KIZ: variants seen among roughly 807,000 people sequenced by gnomAD.
The protein encoded by KIZ is kizuna centrosomal protein.
In KIZ, 68 loss-of-function variants were observed where a neutral mutation model predicts 79.6. The observed-to-expected ratio is 0.85, with a 90% CI of 0.70 to 1.05. The LOEUF is 1.05. KIZ is among the 50% of genes least tolerant of loss of function. KIZ has a pLI of 0.00. For synonymous variants in KIZ, 280 were observed against 281.8 expected, an observed-to-expected ratio of 0.99 and a Z score of 0.06; for missense variants, 797 against 800.4, an observed-to-expected ratio of 1.00 and a Z score of 0.05.
chr20:21,182,451 G>T (rs2034693601), intron 6 of KIZ, among the ~76,000 whole-genome samples: 1 of 152,096 alleles, frequency 6.6e-6, no homozygotes, highest in African/African-American at 2.4e-5. Flanking sequence ...GCTAATTACT[G>T]GCAAGGGTTA....
chr20:21,156,827 A>G (rs1374719243), intron 4 of KIZ, among the ~76,000 whole-genome samples: 2 of 152,228 alleles, frequency 1.3e-5, no homozygotes, highest in South Asian at 2.1e-4. Flanking sequence ...GTATACACAC[A>G]TACAGAGACA....
chr20:21,146,676 G>A (rs1015544473), intron 4 of KIZ, among the ~76,000 whole-genome samples: 39 of 152,108 alleles, frequency 2.6e-4, no homozygotes, highest in Non-Finnish European at 8.8e-5. Flanking sequence ...TAACTGTTGG[G>A]TATTTAAGAC....
intron 11 of KIZ, among the ~76,000 whole-genome samples, chr20:21,239,208 G>A (rs2037134439): frequency 6.6e-6 from 1 of 152,206 alleles, no homozygotes; most frequent in Non-Finnish European, 1.5e-5. Flanking sequence ...ACTTGCCCAG[G>A]ATCATGCAGT....
At chr20:21,182,940 T>C (rs886994903) in intron 6 of KIZ, among the ~76,000 whole-genome samples, 10 of 152,160 alleles carry the variant, frequency 6.6e-5, no homozygotes, top group African/African-American at 2.4e-4. Context: ...ATTTGGTCAC[T>C]CCTGGCTTAG....
chr20:21,129,312 A>C (rs1444609018), intron 1 of KIZ, among the ~76,000 whole-genome samples: 1 of 152,248 alleles, frequency 6.6e-6, no homozygotes, highest in East Asian at 1.9e-4. Flanking sequence ...AGATGTCTGC[A>C]TCTGCTGAAG....
intron 6 of KIZ, among the ~76,000 whole-genome samples, chr20:21,200,449 A>G (rs1264115612): frequency 1.3e-5 from 2 of 151,952 alleles, no homozygotes; most frequent in African/African-American, 2.4e-5. Context: ...TAATTATACA[A>G]TTCACCATAA....
intron 11 of KIZ, among the ~76,000 whole-genome samples, chr20:21,239,517 T>C (rs1038997445): frequency 6.6e-6 from 1 of 152,202 alleles, no homozygotes; most frequent in African/African-American, 2.4e-5. Flanking sequence ...GTGAATGCTG[T>C]GTTCTAATTA....
chr20:21,176,975 C>T (rs760230416), intron 6 of KIZ, among the ~76,000 whole-genome samples: 18 of 152,156 alleles, frequency 1.2e-4, no homozygotes, highest in South Asian at 2.1e-4. Context: ...TTTCATTGTA[C>T]GTGTATTTTC....
chr20:21,188,545 T>C (rs1051431704), intron 6 of KIZ, among the ~76,000 whole-genome samples: 2 of 150,998 alleles, frequency 1.3e-5, no homozygotes, highest in African/African-American at 4.8e-5. Context: ...GTGACCCTTA[T>C]GATGAGGAGG....
At chr20:21,142,268 C>T (rs939242831) in intron 3 of KIZ, among the ~76,000 whole-genome samples, 1 of 152,056 alleles carries the variant, frequency 6.6e-6, no homozygotes, top group African/African-American at 2.4e-5. Flanking sequence ...TCTCAGTAAG[C>T]ACTTCCTTCA....
chr20:21,207,449 C>T (rs968278848), intron 7 of KIZ, among the ~76,000 whole-genome samples: 1 of 129,322 alleles, frequency 7.7e-6, no homozygotes, highest in African/African-American at 3.0e-5. Context: ...CATCTTCCTC[C>T]TTTCCCCCAT....
At chr20:21,163,277 G>T in intron 6 of KIZ, 118 bp downstream of exon 6, 1 of 678,896 alleles carries the variant, frequency 1.5e-6, no homozygotes, top group Non-Finnish European at 2.5e-6. Context: ...AATTCCTTAA[G>T]TCTCATAAGT....
intron 6 of KIZ, among the ~76,000 whole-genome samples, chr20:21,205,177 C>T (rs2035764437): frequency 6.6e-6 from 1 of 152,192 alleles, no homozygotes; most frequent in African/African-American, 2.4e-5. Flanking sequence ...AAAAAGTCCA[C>T]TGGCCAAGCC....
chr20:21,185,702 C>T (rs977548275), intron 6 of KIZ, among the ~76,000 whole-genome samples: 6 of 151,092 alleles, frequency 4.0e-5, no homozygotes, highest in African/African-American at 9.8e-5. Flanking sequence ...TGAGCCACCA[C>T]GCCCAACCCT....
chr20:21,246,320 T>C, intron 12 of KIZ, 159 bp from the exon 13 acceptor site: 1 of 627,134 alleles, frequency 1.6e-6, no homozygotes, highest in Non-Finnish European at 2.9e-6. Context: ...CAGTATGACA[T>C]GCATTTGGGT....
chr20:21,139,826 A>T (rs996949122), intron 3 of KIZ, among the ~76,000 whole-genome samples: 1 of 152,236 alleles, frequency 6.6e-6, no homozygotes, highest in South Asian at 2.1e-4. Context: ...ATTAATAAAC[A>T]TGGTTCAAAA....
chr20:21,140,036 C>T (rs2032430244), intron 3 of KIZ, among the ~76,000 whole-genome samples: 1 of 152,134 alleles, frequency 6.6e-6, no homozygotes, highest in Non-Finnish European at 1.5e-5. Context: ...GCAATGTCAG[C>T]GACCCCTCCA....
intron 4 of KIZ, among the ~76,000 whole-genome samples, chr20:21,153,317 G>A (rs2033213006): frequency 6.6e-6 from 1 of 152,102 alleles, no homozygotes; most frequent in African/African-American, 2.4e-5. Flanking sequence ...GTTGGTGTGG[G>A]GGTAGGGAGA....
intron 4 of KIZ, among the ~76,000 whole-genome samples, chr20:21,159,700 T>C (rs1296859970): frequency 6.6e-6 from 1 of 152,260 alleles, no homozygotes; most frequent in African/African-American, 2.4e-5. Context: ...CAGTAATTCA[T>C]CTCTTTTCAT....
Sources: allele counts gnomAD v4.1 joint callset (sites outside exome capture counted in the v4.1 genomes callset), GRCh38; gene constraint gnomAD v4.1.1; transcripts MANE v1.5; gene names NCBI Gene and HGNC (gene_info 2026-07-23, HGNC 2026-07-21).